SASH1: variants seen among roughly 807,000 people sequenced by gnomAD.
SASH1 encodes the protein SAM and SH3 domain containing 1, also known as SAM and SH3 domain-containing protein 1.
In SASH1, 44 loss-of-function variants were observed where a neutral mutation model predicts 125.2. That is an observed-to-expected ratio of 0.35 (90% CI 0.28 to 0.45). SASH1 has a LOEUF of 0.45. Ranked by LOEUF, SASH1 falls within the 20% of genes least tolerant of loss-of-function variation. The pLI, the probability that SASH1 is intolerant of heterozygous loss-of-function variation, is 1.00. For missense variants in SASH1, 1,426 were observed against 1,614.5 expected, an observed-to-expected ratio of 0.88 and a Z score of 2.00; for synonymous variants, 639 against 649.1, an observed-to-expected ratio of 0.98 and a Z score of 0.24.
chr6:148,471,386 CTTTTT>C (rs35487674), intron 5 of SASH1, 26 bp from the exon 6 acceptor site: 14,537 of 496,618 alleles, frequency 0.029, 4 homozygotes, highest in East Asian at 0.046. Context: ...GCTTTTTGTT[CTTTTT>C]TTTTTTTTTT....
intron 7 of SASH1, chr6:148,478,953 A>G: frequency 6.1e-6 from 1 of 163,530 alleles, no homozygotes. Flanking sequence ...AGTGCATATG[A>G]GAAGTATGGG....
the SASH1 span, among the ~76,000 whole-genome samples, chr6:148,233,538 T>C: frequency 6.6e-6 from 1 of 152,028 alleles, no homozygotes; most frequent in Non-Finnish European, 1.5e-5. Context: ...ACTCCTGCTT[T>C]CATGGTGCTT....
At chr6:148,312,430 C>A (rs1388838951) in intron 1 of SASH1, among the ~76,000 whole-genome samples, 2 of 152,064 alleles carry the variant, frequency 1.3e-5, no homozygotes, top group Non-Finnish European at 2.9e-5. Context: ...ATTGCTTGAG[C>A]CTAGGAGTTT....
chr6:148,402,770 G>A (rs1442364935), intron 2 of SASH1, among the ~76,000 whole-genome samples: 3 of 151,608 alleles, frequency 2.0e-5, no homozygotes, highest in Admixed American at 6.6e-5. Flanking sequence ...CACCACGCCC[G>A]GCTAATTTTT....
At chr6:148,524,989 T>G in intron 10 of SASH1, 1 of 345,632 alleles carries the variant, frequency 2.9e-6, no homozygotes. Context: ...ACTGGACTCA[T>G]GGAGGGTTTT....
chr6:148,528,980 A>G (rs1006032919), intron 12 of SASH1, among the ~76,000 whole-genome samples: 2 of 152,040 alleles, frequency 1.3e-5, no homozygotes, highest in African/African-American at 4.8e-5. Flanking sequence ...AGATTCTCAT[A>G]AACAGCGTGC....
intron 1 of SASH1, among the ~76,000 whole-genome samples, chr6:148,334,149 C>G (rs1387523290): frequency 2.4e-3 from 1 of 420 alleles, no homozygotes; most frequent in East Asian, 0.1. Context: ...GCAGGCCGGG[C>G]GCGGCTGGCT....
chr6:148,502,698 C>T (rs945132448), intron 8 of SASH1, among the ~76,000 whole-genome samples: 3 of 146,370 alleles, frequency 2.0e-5, no homozygotes, highest in Non-Finnish European at 4.5e-5. Context: ...AAAGCAACAA[C>T]ATCAGCTGAG....
chr6:148,470,643 A>G (rs1172033073), intron 5 of SASH1, among the ~76,000 whole-genome samples: 3 of 152,260 alleles, frequency 2.0e-5, no homozygotes, highest in East Asian at 3.8e-4. Flanking sequence ...TAGCTATAGC[A>G]GCGAATTTGT....
intron 11 of SASH1, among the ~76,000 whole-genome samples, chr6:148,526,046 CTTTTTTTT>C (rs34023266): frequency 0.15 from 8,073 of 54,152 alleles, 446 homozygotes; most frequent in Middle Eastern, 0.19. Context: ...GAAGGTGAGT[CTTTTTTTT>C]TTTTTTTTTT....
At chr6:148,231,629 A>C in the SASH1 span, among the ~76,000 whole-genome samples, 1 of 152,228 alleles carries the variant, frequency 6.6e-6, no homozygotes, top group Non-Finnish European at 1.5e-5. Context: ...CAGGCTTAAA[A>C]TGTTGCTGTA....
chr6:148,199,420 T>C, the SASH1 span, among the ~76,000 whole-genome samples: 2 of 150,852 alleles, frequency 1.3e-5, no homozygotes, highest in African/African-American at 4.9e-5. Flanking sequence ...CCTCACTCCC[T>C]TTTCTCTCCT....
At chr6:148,547,743 G>A (rs1782651286) in intron 19 of SASH1, among the ~76,000 whole-genome samples, 1 of 152,070 alleles carries the variant, frequency 6.6e-6, no homozygotes, top group African/African-American at 2.4e-5. Context: ...AAAGGTGCAG[G>A]CCCTTTATAT....
the SASH1 span, among the ~76,000 whole-genome samples, chr6:148,248,898 C>A: frequency 1.3e-5 from 2 of 152,186 alleles, no homozygotes; most frequent in South Asian, 2.1e-4. Context: ...TGCAAACAAG[C>A]AAACATTGTA....
intron 1 of SASH1, among the ~76,000 whole-genome samples, chr6:148,283,645 G>A (rs760297641): frequency 6.6e-6 from 1 of 152,064 alleles, no homozygotes; most frequent in African/African-American, 2.4e-5. Flanking sequence ...GTGGTGGCAT[G>A]CACCTGTAAT....
Position 148,440,342 on chromosome 6 carries a change from G to C in SASH1, c.337-16G>C, listed in dbSNP as rs370163135. The stretch of plus-strand genomic sequence containing the variant: ...GCTGCTCTGACCACACTGACTATAC[G>C]AATCTTCTCTCGTAGGAGTCGCTTG... On this transcript the variant is annotated splice_polypyrimidine_tract_variant and intron_variant, in intron 3 of 19. Transcript: ENST00000367467. 70 of 1,613,300 alleles carry C rather than the reference G, an allele frequency of 4.3e-5. No homozygotes were observed. The highest frequency in any genetic ancestry group is 1.3e-4 in the Admixed American group (8 of 59,954).
chr6:148,473,092 G>C (rs754698224), intron 6 of SASH1, among the ~76,000 whole-genome samples: 41 of 152,180 alleles, frequency 2.7e-4, no homozygotes, highest in Non-Finnish European at 4.8e-4. Flanking sequence ...TCTTCTCTGA[G>C]GTTCTAGCTG....
At chr6:148,291,346 A>C (rs1021076570) in intron 1 of SASH1, among the ~76,000 whole-genome samples, 4 of 152,214 alleles carry the variant, frequency 2.6e-5, no homozygotes, top group African/African-American at 9.7e-5. Flanking sequence ...ATGTTCAATT[A>C]TTATGTGTCA....
intron 1 of SASH1, among the ~76,000 whole-genome samples, chr6:148,296,919 A>G (rs754189311): frequency 6.6e-6 from 1 of 152,254 alleles, no homozygotes; most frequent in Non-Finnish European, 1.5e-5. Context: ...ACACATTTTC[A>G]TGCTTGTGAA....
Sources: gnomAD v4.1 joint callset for allele counts (sites outside exome capture counted in the v4.1 genomes callset) on GRCh38, gnomAD v4.1.1 for gene constraint, MANE v1.5 for transcripts, NCBI Gene and HGNC (gene_info 2026-07-23, HGNC 2026-07-21) for gene names.